The following EMILIN1 variants were observed in gnomAD, a reference collection of about 807,000 sequenced individuals.
EMILIN1 encodes EMILIN-1.
A neutral mutation model predicts 82.4 loss-of-function variants in EMILIN1; 49 were observed. That is an observed-to-expected ratio of 0.59 (90% CI 0.47 to 0.75). The LOEUF is 0.75. EMILIN1 is among the 30% of genes least tolerant of loss of function. EMILIN1 has a pLI of 0.00. For missense variants in EMILIN1, 1,313 were observed against 1,366.4 expected (o/e 0.96, Z 0.62); for synonymous variants, 604 against 602.2 (o/e 1.00, Z -0.04).
chr2:27,082,018 G>C, intron 3 of EMILIN1, 65 bp from the exon 4 acceptor site: 3 of 1,480,022 alleles, frequency 2.0e-6, no homozygotes, highest in South Asian at 1.4e-5. Context: ...GCTGGAGCTG[G>C]GGTGAGCAGG....
chr2:27,084,041 CT>C, intron 4 of EMILIN1, 30 bp downstream of exon 4: 1 of 1,443,690 alleles, frequency 6.9e-7, no homozygotes, highest in South Asian at 1.6e-5. Context: ...GAGGGGACCC[CT>C]TTCAAGCCCC....
intron 3 of EMILIN1, 139 bp downstream of exon 3, chr2:27,081,091 C>A: frequency 1.6e-6 from 1 of 623,648 alleles, no homozygotes; most frequent in East Asian, 2.8e-5. Flanking sequence ...TTAGTGAGAT[C>A]GCAGAGATTC....
intron 1 of EMILIN1, among the ~76,000 whole-genome samples, chr2:27,079,476 AGG>A (rs1669438307): frequency 6.6e-6 from 1 of 152,036 alleles, no homozygotes; most frequent in Non-Finnish European, 1.5e-5. Context: ...AGCTGCCCTG[AGG>A]GGAGCGGGCC....
At position 27,084,428 on chromosome 2, in the gene EMILIN1, G is replaced by A. The variant is rs1206622986; in HGVS notation, c.2454G>A (p.Glu818=). ...SLKDLTGPAG[E]AGPPGPPGLQ... ...TTGTCACTGTAGGGCCTGCAGGAGA[G>A]GCTGGGCCCCCAGGGCCTCCTGGGC... The change falls in exon 5 of 8, where the codon GAG becomes GAA. Residue 818 remains glutamate (E), a synonymous_variant. Coordinates refer to ENST00000380320, the MANE Select transcript of EMILIN1 (RefSeq NM_007046.4). 6.2e-7 allele frequency: 1 copy of A among 1,608,674 alleles called. No individual in the cohort carries two copies. The highest frequency in any genetic ancestry group is 2.2e-5 in the East Asian group (1 of 44,856).
At chr2:27,080,348 C>T in intron 2 of EMILIN1, 78 bp downstream of exon 2, 3 of 1,571,024 alleles carry the variant, frequency 1.9e-6, no homozygotes, top group South Asian at 2.3e-5. Flanking sequence ...CTCAGGGAGT[C>T]TGTATGAAGC....
chr2:27,083,386 C>G lies in EMILIN1; in HGVS notation c.1815C>G (p.Pro605=). 2 of 1,612,164 alleles carry G rather than the reference C, an allele frequency of 1.2e-6. No homozygotes were observed. The highest frequency in any genetic ancestry group is 1.7e-6 in the Non-Finnish European group (2 of 1,179,944). ...ATGGTGTGGAGCGCTGCTCCTGCCC[C>G]CTGTTGCCTCCTCGGGGTCCTGGGG... is the stretch of plus-strand genomic sequence containing the variant. ...LRDGVERCSC[P]LLPPRGPGAG... is the part of the protein sequence containing the mutation. Residue 605 remains proline, a synonymous_variant, in exon 4 of 8, where the codon CCC becomes CCG. Transcript: ENST00000380320.
At position 27,086,261 on chromosome 2, in the gene EMILIN1, G is replaced by A; in HGVS notation, c.*246G>A. 5.5e-6 allele frequency: 2 copies of A among 364,310 alleles called. No individual in the cohort carries two copies. The highest frequency in any genetic ancestry group is 9.8e-6 in the Non-Finnish European group (2 of 204,424). 22.6% of individuals were successfully genotyped at this position (364,310 alleles called of 1,614,324 possible). A position where few individuals can be genotyped will look rare whatever the true frequency, so the allele number is the denominator to read the frequency against. On this transcript the variant is annotated 3_prime_UTR_variant, in exon 8 of 8. Transcript: ENST00000380320. ...AAGAACCCCTCCAGGGCCGGCCTGC[G>A]GAGGAGCCGATCCTCGCACCCTCCG... is the stretch of plus-strand genomic sequence containing the variant.
At chr2:27,084,175 T>G in intron 4 of EMILIN1, 164 bp downstream of exon 4, 1 of 892,782 alleles carries the variant, frequency 1.1e-6, no homozygotes, top group South Asian at 2.0e-5. Context: ...CAAGAGATGA[T>G]GCAAGGTCCT....
chr2:27,080,840 C>T lies in EMILIN1; in HGVS notation c.399C>T (p.Pro133=), dbSNP rs561079858. 1.1e-5 allele frequency: 17 copies of T among 1,612,504 alleles called. No homozygotes were observed. The highest frequency in any genetic ancestry group is 6.6e-5 in the South Asian group (6 of 90,870). The change falls in exon 3 of 8, where the codon CCC becomes CCT. Residue 133 remains proline, a synonymous_variant. Coordinates refer to ENST00000380320, the MANE Select transcript of EMILIN1 (RefSeq NM_007046.4). ...GYGGDDCAES[P]APALGPASST... is the part of the protein sequence containing the mutation. ...GGGGCGATGACTGTGCTGAGAGTCC[C>T]GCTCCAGCGCTGGGGCCTGCGTCTT... is the stretch of plus-strand genomic sequence containing the variant.
chr2:27,078,964 G>A lies in EMILIN1; in HGVS notation c.-102G>A, dbSNP rs1054045056. The A allele has an allele frequency of 3.6e-5, 33 of 913,144 alleles. 1 individual carries two copies. Among genetic ancestry groups the A allele is most frequent in the South Asian group, 1.7e-4 (9 of 51,722 alleles). 56.6% of individuals were successfully genotyped at this position (913,144 alleles called of 1,614,324 possible). ...AGAAGGAAACTGGGACGGACGGGCC[G>A]GGCTCGGGCTGTCCTGTGGAGCAGC... On this transcript the variant is annotated 5_prime_UTR_variant, in exon 1 of 8. Coordinates refer to ENST00000380320, the MANE Select transcript of EMILIN1 (RefSeq NM_007046.4).
chr2:27,083,874 C>G lies in EMILIN1; in HGVS notation c.2303C>G (p.Thr768Ser), dbSNP rs1451661447. 5 of 1,608,814 alleles carry G rather than the reference C, an allele frequency of 3.1e-6. No individual in the cohort carries two copies. Among genetic ancestry groups the G allele is most frequent in the Non-Finnish European group, 4.3e-6 (5 of 1,176,424 alleles). Residue 768 changes from threonine to serine, a missense_variant, in exon 4 of 8, where the codon ACC (threonine) becomes AGC (serine). Thr to Ser is a moderately conservative substitution (Grantham distance 58, BLOSUM62 1). Transcript: ENST00000380320. ...LWAGLRETNT[T>S]SQMQAALLEK... is the part of the protein sequence containing the mutation. ...GCTGGGCTCCGGGAAACCAACACCA[C>G]CAGCCAGATGCAGGCAGCCCTGCTG... is the stretch of plus-strand genomic sequence containing the variant.
rs1165302472 is a variant in EMILIN1 at position 27,083,230 on chromosome 2, T to C, written c.1659T>C (p.Ala553=). The change falls in exon 4 of 8, where the codon GCT becomes GCC. Residue 553 remains alanine, a synonymous_variant. Coordinates refer to ENST00000380320, the MANE Select transcript of EMILIN1 (RefSeq NM_007046.4). ...GTGTGGATGCCCAGGATGAGACAGC[T>C]GCAGAGTTCACACTACGGCTGAATC... ...QDRVDAQDET[A]AEFTLRLNLT... 3 of 1,611,924 alleles carry C rather than the reference T, an allele frequency of 1.9e-6. No individual in the cohort carries two copies. In the African/African-American group the frequency reaches 4.0e-5, roughly 22 times the overall value.
chr2:27,084,316 C>T, intron 4 of EMILIN1, 99 bp from the exon 5 acceptor site: 1 of 766,166 alleles, frequency 1.3e-6, no homozygotes, highest in Non-Finnish European at 2.2e-6. Flanking sequence ...TCCACCTGTT[C>T]CATCCATCTT....
intron 2 of EMILIN1, 131 bp from the exon 3 acceptor site, chr2:27,080,601 G>A: frequency 2.6e-6 from 2 of 756,292 alleles, no homozygotes; most frequent in South Asian, 3.7e-5. Flanking sequence ...AAGGCCACAT[G>A]TTGGACAGTA....
At chr2:27,079,290 C>A in intron 1 of EMILIN1, 55 bp downstream of exon 1, 2 of 1,431,024 alleles carry the variant, frequency 1.4e-6, no homozygotes, top group Non-Finnish European at 1.9e-6. Flanking sequence ...GGTCAGAATG[C>A]CACCTCTGCC....
At position 27,083,744 on chromosome 2, in the gene EMILIN1, G is replaced by A. The variant is rs201380388; in HGVS notation, c.2173G>A (p.Gly725Arg). The A allele has an allele frequency of 6.2e-7, 1 of 1,613,490 alleles. No individual in the cohort carries two copies. The highest frequency in any genetic ancestry group is 8.5e-7 in the Non-Finnish European group (1 of 1,179,482). ...GGCCGGCCAGTGCCCCAGCTTAGAGGGGCGATTGGGCCGTCTTGAGGGTGT... is the reference window on the plus strand; with the variant it reads ...GGCCGGCCAGTGCCCCAGCTTAGAGAGGCGATTGGGCCGTCTTGAGGGTGT... ...AQAGQCPSLEGRLGRLEGVCE... is the reference protein window; with the variant it reads ...AQAGQCPSLERRLGRLEGVCE... The change falls in exon 4 of 8, where the codon GGG (glycine) becomes AGG (arginine). Residue 725 changes from glycine (G) to arginine (R), a missense_variant. Transcript: ENST00000380320.
Position 27,080,227 on chromosome 2 carries a change from C to G in EMILIN1, c.247C>G (p.Gln83Glu). The part of the protein sequence containing the change: ...EDGVETYVKY[Q>E]PCAWGQPQCP... ...TGGAGTGGAGACATATGTCAAGTAC[C>G]AGCCTTGTGCCTGGGGCCAGCCCCA... Residue 83 changes from glutamine (Q) to glutamate (E), a missense_variant, in exon 2 of 8, where the codon CAG (glutamine) becomes GAG (glutamate). Gln to Glu is a conservative substitution (Grantham distance 29). Transcript: ENST00000380320. 6.2e-7 allele frequency: 1 copy of G among 1,614,110 alleles called. No homozygotes were observed. Among genetic ancestry groups the G allele is most frequent in the African/African-American group, 1.3e-5 (1 of 75,052 alleles).
At chr2:27,082,053 C>G (rs1460634920) in intron 3 of EMILIN1, 30 bp from the exon 4 acceptor site, 1 of 1,561,738 alleles carries the variant, frequency 6.4e-7, no homozygotes, top group Admixed American at 1.8e-5. Flanking sequence ...GGGTCCAGCC[C>G]CTCTGCCTTC....
rs1039560853 is a variant in EMILIN1 at position 27,082,685 on chromosome 2, G to C, written c.1114G>C (p.Val372Leu). 1 of 1,554,316 alleles carries C rather than the reference G, an allele frequency of 6.4e-7. No homozygotes were observed. The highest frequency in any genetic ancestry group is 8.7e-7 in the Non-Finnish European group (1 of 1,153,296). The change falls in exon 4 of 8, where the codon GTG becomes CTG. Residue 372 changes from valine to leucine, a missense_variant. Physicochemically the swap from Val to Leu is conservative, Grantham distance 32. Coordinates refer to ENST00000380320, the MANE Select transcript of EMILIN1 (RefSeq NM_007046.4). ...AGAGCTGGAGCGCAGGCTGGATGTCGTGGCCGGCTCAGTGACAGTGCTGAG... is the reference window on the plus strand; with the variant it reads ...AGAGCTGGAGCGCAGGCTGGATGTCCTGGCCGGCTCAGTGACAGTGCTGAG... ...LAELERRLDVVAGSVTVLSGR... is the reference protein window; with the variant it reads ...LAELERRLDVLAGSVTVLSGR...
Sources: allele counts gnomAD v4.1 joint callset (sites outside exome capture counted in the v4.1 genomes callset), GRCh38; gene constraint gnomAD v4.1.1; transcripts MANE v1.5; gene names NCBI Gene and HGNC (gene_info 2026-07-23, HGNC 2026-07-21).